CYSTM1: variants seen among roughly 807,000 people sequenced by gnomAD.
CYSTM1 encodes cysteine rich transmembrane module containing 1, also known as cysteine-rich transmembrane module-containing protein 1.
A neutral mutation model predicts 13.1 loss-of-function variants in CYSTM1; 4 were observed. That is an observed-to-expected ratio of 0.31 (90% CI 0.15 to 0.70). CYSTM1 has a LOEUF of 0.70. Among genes scored for constraint, CYSTM1 ranks in the 30% least tolerant of loss-of-function variants. The probability of loss-of-function intolerance (pLI) is 0.72; values close to 1 mark genes in which losing one functional copy is unlikely to be tolerated. For missense variants in CYSTM1, 96 were observed against 121.6 expected, an observed-to-expected ratio of 0.79 and a Z score of 0.99; for synonymous variants, 36 against 42.7, an observed-to-expected ratio of 0.84 and a Z score of 0.62.
intron 2 of CYSTM1, among the ~76,000 whole-genome samples, chr5:140,224,044 G>A (rs1764520864): frequency 2.6e-5 from 4 of 152,214 alleles, no homozygotes; most frequent in Admixed American, 2.6e-4. Context: ...GAGGCAGGGT[G>A]GATCCCTGTA....
chr5:140,237,993 C>T (rs1764702730), intron 2 of CYSTM1, among the ~76,000 whole-genome samples: 2 of 152,200 alleles, frequency 1.3e-5, no homozygotes, highest in South Asian at 4.1e-4. Context: ...TAAACGCCCG[C>T]ACCTGTCTGG....
intron 1 of CYSTM1, among the ~76,000 whole-genome samples, chr5:140,192,525 T>C (rs1764105895): frequency 6.6e-6 from 1 of 152,204 alleles, no homozygotes; most frequent in Non-Finnish European, 1.5e-5. Flanking sequence ...TCTTTCCTTT[T>C]TTCTGCTCTG....
At chr5:140,180,456 T>C (rs1763950021) in intron 1 of CYSTM1, among the ~76,000 whole-genome samples, 1 of 152,234 alleles carries the variant, frequency 6.6e-6, no homozygotes, top group African/African-American at 2.4e-5. Context: ...CCAAGGCTAC[T>C]AATTGGCTTG....
At chr5:140,229,438 C>A (rs1423479972) in intron 2 of CYSTM1, among the ~76,000 whole-genome samples, 1 of 152,040 alleles carries the variant, frequency 6.6e-6, no homozygotes, top group African/African-American at 2.4e-5. Flanking sequence ...TTTAAGCGAT[C>A]CACCTGAGAT....
chr5:140,233,881 T>G (rs1208152924), intron 2 of CYSTM1, among the ~76,000 whole-genome samples: 1 of 152,242 alleles, frequency 6.6e-6, no homozygotes, highest in African/African-American at 2.4e-5. Flanking sequence ...CTCTGTTGGC[T>G]GTGATTTGCA....
intron 2 of CYSTM1, among the ~76,000 whole-genome samples, chr5:140,226,483 TTA>T (rs1190120997): frequency 8.3e-4 from 95 of 114,188 alleles, no homozygotes; most frequent in South Asian, 3.6e-3. Flanking sequence ...ATATATATAT[TTA>T]TATATATATA....
intron 1 of CYSTM1, among the ~76,000 whole-genome samples, chr5:140,181,808 TTTGCTATGTTGACTAGGTC>T (rs1225316786): frequency 2.0e-5 from 3 of 152,182 alleles, no homozygotes; most frequent in Non-Finnish European, 2.9e-5. Context: ...GTCTGTATTT[TTTGCTATGTTGACTAGGTC>T]TTGCTATGTT....
At chr5:140,188,184 C>T (rs1232244741) in intron 1 of CYSTM1, among the ~76,000 whole-genome samples, 2 of 151,094 alleles carry the variant, frequency 1.3e-5, no homozygotes, top group Admixed American at 6.6e-5. Flanking sequence ...AAGTGATCCT[C>T]CCACCTCAGC....
chr5:140,214,481 C>G (rs1391179144), intron 2 of CYSTM1, among the ~76,000 whole-genome samples: 1 of 152,148 alleles, frequency 6.6e-6, no homozygotes, highest in Non-Finnish European at 1.5e-5. Context: ...TGAGAGCAGG[C>G]TGGGTTGGCC....
intron 2 of CYSTM1, chr5:140,203,327 A>G (rs1219720752): frequency 6.6e-6 from 1 of 152,254 alleles, no homozygotes; most frequent in East Asian, 1.9e-4. Context: ...CATAGCCACA[A>G]TACAATGATC....
At chr5:140,232,732 C>T (rs780062450) in intron 2 of CYSTM1, among the ~76,000 whole-genome samples, 10 of 152,186 alleles carry the variant, frequency 6.6e-5, no homozygotes, top group Non-Finnish European at 1.2e-4. Flanking sequence ...AAGCATGGAA[C>T]AGGCAAGCTC....
intron 2 of CYSTM1, among the ~76,000 whole-genome samples, chr5:140,208,589 ATTGT>A (rs1423068400): frequency 2.0e-5 from 3 of 152,300 alleles, no homozygotes; most frequent in Admixed American, 1.3e-4. Context: ...GTATAATTTG[ATTGT>A]TTGTAACACA....
chr5:140,207,063 G>A (rs549067012), intron 2 of CYSTM1, among the ~76,000 whole-genome samples: 44 of 152,312 alleles, frequency 2.9e-4, no homozygotes, highest in African/African-American at 1.1e-3. Context: ...GGAATGCCTC[G>A]GAAAAGTTTC....
intron 1 of CYSTM1, among the ~76,000 whole-genome samples, chr5:140,189,442 A>G (rs1168055104): frequency 6.6e-6 from 1 of 152,146 alleles, no homozygotes; most frequent in African/African-American, 2.4e-5. Context: ...CTTCTTGTAC[A>G]GTCAGCAGAA....
At chr5:140,228,850 G>A (rs761872066) in intron 2 of CYSTM1, 12 of 398,686 alleles carry the variant, frequency 3.0e-5, no homozygotes, top group African/African-American at 6.2e-5. Context: ...GCTAAGATCC[G>A]AGTATTTCCC....
intron 1 of CYSTM1, among the ~76,000 whole-genome samples, chr5:140,179,957 C>G (rs979195423): frequency 6.6e-6 from 1 of 152,190 alleles, no homozygotes; most frequent in African/African-American, 2.4e-5. Context: ...GTCACCGCGC[C>G]CAGCCTCACT....
intron 2 of CYSTM1, 48 bp from the exon 3 acceptor site, chr5:140,243,257 G>A (rs753504223): frequency 5.8e-6 from 9 of 1,539,430 alleles, no homozygotes; most frequent in Non-Finnish European, 8.1e-6. Flanking sequence ...TGCAGGGCCT[G>A]GGGTTTGCAC....
At position 140,175,973 on chromosome 5, in the gene CYSTM1, G is replaced by A. The variant is rs1284409791; in HGVS notation, c.-21+688G>A. ...CGGTAGCAGTGGAGGTTGCAGGGGGGAGAGAAGGAGGGGAGGACCCCTGGG... is the reference window on the plus strand; with the variant it reads ...CGGTAGCAGTGGAGGTTGCAGGGGGAAGAGAAGGAGGGGAGGACCCCTGGG... On this transcript the variant is annotated intron_variant, in intron 1 of 2. Coordinates refer to ENST00000261811, the MANE Select transcript of CYSTM1 (RefSeq NM_032412.4). This position sits in a 1 kb window ranked among gnomAD's most constrained non-coding sequence, Gnocchi z 4.9. Among the ~76,000 whole-genome samples the A allele has an allele frequency of 6.6e-6, 1 of 152,176 alleles. No homozygotes were observed. Among genetic ancestry groups the A allele is most frequent in the Non-Finnish European group, 1.5e-5 (1 of 68,030 alleles).
intron 1 of CYSTM1, among the ~76,000 whole-genome samples, chr5:140,192,705 G>T (rs914124528): frequency 2.0e-5 from 3 of 152,192 alleles, no homozygotes; most frequent in Non-Finnish European, 4.4e-5. Flanking sequence ...TTTACTGATT[G>T]AACCACTTCA....
Sources: gnomAD v4.1 joint callset for allele counts (sites outside exome capture counted in the v4.1 genomes callset) on GRCh38, gnomAD v4.1.1 for gene constraint, Gnocchi (gnomAD v3.1) non-coding constraint, MANE v1.5 for transcripts, NCBI Gene and HGNC (gene_info 2026-07-23, HGNC 2026-07-21) for gene names.